Variants in PTPDC1 observed in about 807,000 individuals in gnomAD.
PTPDC1 encodes protein tyrosine phosphatase domain containing 1.
A neutral mutation model predicts 75.3 loss-of-function variants in PTPDC1; 53 were observed. The observed-to-expected ratio is 0.70, with a 90% CI of 0.56 to 0.88. The LOEUF is 0.88. PTPDC1 is among the 40% of genes least tolerant of loss of function. PTPDC1 has a pLI of 0.00. For missense variants in PTPDC1, 925 were observed against 998.6 expected, an observed-to-expected ratio of 0.93 and a Z score of 0.99; for synonymous variants, 349 against 366.2, an observed-to-expected ratio of 0.95 and a Z score of 0.54.
intron 2 of PTPDC1, among the ~76,000 whole-genome samples, chr9:94,071,854 A>G (rs1186327532): frequency 1.3e-5 from 2 of 152,240 alleles, no homozygotes; most frequent in African/African-American, 4.8e-5. Flanking sequence ...ACTTTGTTGC[A>G]TCTTCTAATT....
rs1448599564 is a variant in PTPDC1, at chr9:94,098,062, AGGAAGCCTT to A, written c.1499_1507del (p.Glu500_Leu502del). 5 of 1,614,204 alleles carry A rather than the reference AGGAAGCCTT, an allele frequency of 3.1e-6. 1 individual carries two copies. The Middle Eastern group carries it at 4.9e-4, about 160-fold the overall frequency. ...CAGTCTCCAGAACCAGACTTACACA[AGGAAGCCTT>A]GGTTCGCAGCACACTTTCTTTCTGG... is the stretch of plus-strand genomic sequence containing the variant. On this transcript the variant is annotated inframe_deletion, in exon 6 of 9. Transcript: ENST00000620992.
intron 1 of PTPDC1, among the ~76,000 whole-genome samples, chr9:94,042,729 C>A (rs771442370): frequency 6.6e-6 from 1 of 152,156 alleles, no homozygotes; most frequent in Non-Finnish European, 1.5e-5. Flanking sequence ...GTTGACTCTT[C>A]TTTCATGAAA....
At chr9:94,104,767 G>A (rs973976317) in intron 8 of PTPDC1, among the ~76,000 whole-genome samples, 8 of 152,134 alleles carry the variant, frequency 5.3e-5, no homozygotes, top group African/African-American at 1.9e-4. Context: ...CATCTATTGA[G>A]AATTAAACAT....
chr9:94,076,789 A>G (rs1826708236), intron 2 of PTPDC1, among the ~76,000 whole-genome samples: 1 of 151,974 alleles, frequency 6.6e-6, no homozygotes, highest in African/African-American at 2.4e-5. Flanking sequence ...CATTTTATTT[A>G]CCCACCAGCA....
At chr9:94,101,488 G>T (rs1827838637) in intron 6 of PTPDC1, 78 bp from the exon 7 acceptor site, 2 of 1,079,322 alleles carry the variant, frequency 1.9e-6, no homozygotes, top group Non-Finnish European at 1.4e-6. Context: ...CAAGAATCAT[G>T]CAGTGTCAAA....
chr9:94,037,888 C>A (rs924843671), intron 1 of PTPDC1: 1 of 198,844 alleles, frequency 5.0e-6, no homozygotes, highest in Non-Finnish European at 1.0e-5. Context: ...TCAGAAAGTT[C>A]TACGGCTAAT....
intron 1 of PTPDC1, among the ~76,000 whole-genome samples, chr9:94,032,893 G>A (rs1224797636): frequency 6.6e-6 from 1 of 151,678 alleles, no homozygotes; most frequent in South Asian, 2.1e-4. Flanking sequence ...ACAGTGTCTC[G>A]CTCAGGTGCC....
rs1827711217 is a variant in PTPDC1 at position 94,098,566 on chromosome 9, T to C, written c.2000T>C (p.Val667Ala). The C allele has an allele frequency of 4.3e-6, 7 of 1,613,022 alleles. No homozygotes were observed. Among genetic ancestry groups the C allele is most frequent in the Non-Finnish European group, 5.9e-6 (7 of 1,179,604 alleles). ...SVEKEELKRK[V>A]EMWQKELNSR... is the part of the protein sequence containing the mutation. ...GAAAAGGAGGAACTAAAAAGGAAGGTAGAAATGTGGCAGGTATTATTAGTA... is the reference window on the plus strand; with the variant it reads ...GAAAAGGAGGAACTAAAAAGGAAGGCAGAAATGTGGCAGGTATTATTAGTA... The change falls in exon 6 of 9, where the codon GTA (valine) becomes GCA (alanine). Residue 667 changes from valine to alanine, a missense_variant. Coordinates refer to ENST00000620992, the MANE Select transcript of PTPDC1 (RefSeq NM_001253829.2).
At chr9:94,079,981 C>T (rs922989961), upstream of PTPDC1, among the ~76,000 whole-genome samples, 9 of 152,190 alleles carry the variant, frequency 5.9e-5, no homozygotes, top group African/African-American at 2.2e-4. Flanking sequence ...AAGCCTGAGC[C>T]AGATAACACC....
chr9:94,076,428 A>G (rs1451060461), intron 2 of PTPDC1, among the ~76,000 whole-genome samples: 1 of 152,238 alleles, frequency 6.6e-6, no homozygotes, highest in African/African-American at 2.4e-5. Flanking sequence ...ATATAAATGG[A>G]ACCATATAAA....
upstream of PTPDC1, among the ~76,000 whole-genome samples, chr9:94,079,542 T>C (rs531769507): frequency 6.6e-6 from 1 of 152,342 alleles, no homozygotes; most frequent in Admixed American, 6.5e-5. Flanking sequence ...CTTTCCTTGG[T>C]TCTCTCTGGC....
intron 2 of PTPDC1, among the ~76,000 whole-genome samples, chr9:94,086,245 G>A (rs561275501): frequency 1.3e-5 from 2 of 152,236 alleles, no homozygotes; most frequent in African/African-American, 4.8e-5. Flanking sequence ...TTCACCACAG[G>A]TCATATTCTG....
At chr9:94,085,976 C>CT (rs1491155862) in intron 2 of PTPDC1, among the ~76,000 whole-genome samples, 1 of 152,084 alleles carries the variant, frequency 6.6e-6, no homozygotes, top group Non-Finnish European at 1.5e-5. Flanking sequence ...AATCATACTG[C>CT]TTTTTATTAA....
chr9:94,042,761 G>A (rs1406806184), intron 1 of PTPDC1, among the ~76,000 whole-genome samples: 1 of 152,182 alleles, frequency 6.6e-6, no homozygotes, highest in African/African-American at 2.4e-5. Context: ...AGCATGTGAT[G>A]CTGTTTGATA....
chr9:94,038,446 T>A (rs1440369372), intron 1 of PTPDC1: 1 of 321,380 alleles, frequency 3.1e-6, no homozygotes, highest in Non-Finnish European at 5.8e-6. Context: ...CGTGAATTAC[T>A]GACAGAATAT....
intron 2 of PTPDC1, among the ~76,000 whole-genome samples, chr9:94,087,045 A>C (rs1409004617): frequency 6.6e-6 from 1 of 152,188 alleles, no homozygotes; most frequent in Non-Finnish European, 1.5e-5. Context: ...CTTGTAACTA[A>C]GATTCAGATA....
chr9:94,106,638 C>G (rs4282632), intron 8 of PTPDC1, among the ~76,000 whole-genome samples: 66,997 of 152,016 alleles, frequency 0.44, 15,198 homozygotes, highest in Admixed American at 0.53. Flanking sequence ...GGCAAGCTAA[C>G]AGGTTAAGGT....
intron 2 of PTPDC1, among the ~76,000 whole-genome samples, chr9:94,074,513 C>T (rs1038408261): frequency 6.6e-6 from 1 of 152,088 alleles, no homozygotes; most frequent in Admixed American, 6.5e-5. Context: ...CGGCTGGGCC[C>T]TGTGGTCCTC....
intron 1 of PTPDC1, among the ~76,000 whole-genome samples, chr9:94,054,936 C>T (rs1472847751): frequency 2.0e-5 from 3 of 152,178 alleles, no homozygotes; most frequent in African/African-American, 7.2e-5. Flanking sequence ...AGAGGATAAC[C>T]AGTCTGCTCT....
Sources: gnomAD v4.1 joint callset for allele counts (sites outside exome capture counted in the v4.1 genomes callset) on GRCh38, gnomAD v4.1.1 for gene constraint, MANE v1.5 for transcripts, NCBI Gene and HGNC (gene_info 2026-07-23, HGNC 2026-07-21) for gene names.